The following MYOM1 variants were observed in gnomAD, a reference collection of about 807,000 sequenced individuals.
MYOM1 encodes the protein myomesin-1.
In MYOM1, 164 loss-of-function variants were observed where a neutral mutation model predicts 205.3. That is an observed-to-expected ratio of 0.80 (90% confidence interval 0.70 to 0.91). The LOEUF (loss-of-function observed/expected upper bound fraction) is 0.91, where lower values mean the gene tolerates loss of function less well. Among genes scored for constraint, MYOM1 ranks in the 40% least tolerant of loss-of-function variants. The pLI is 0.00. For synonymous variants in MYOM1, 772 were observed against 789.4 expected (o/e 0.98, Z 0.37); for missense variants, 2,011 against 2,127.3 (o/e 0.95, Z 1.08).
chr18:3,100,136 G>A, intron 25 of MYOM1, 23 bp downstream of exon 25: 1 of 1,613,118 alleles, frequency 6.2e-7, no homozygotes, highest in Non-Finnish European at 8.5e-7. Flanking sequence ...CTAAAAACCT[G>A]TGAATGTATT....
the MYOM1 span, among the ~76,000 whole-genome samples, chr18:3,237,883 C>T: frequency 6.6e-6 from 1 of 152,082 alleles, no homozygotes; most frequent in African/African-American, 2.4e-5. Flanking sequence ...TGATGCATAA[C>T]ACTACAAATA....
chr18:3,233,873 A>C, the MYOM1 span, among the ~76,000 whole-genome samples: 1 of 152,234 alleles, frequency 6.6e-6, no homozygotes, highest in African/African-American at 2.4e-5. Flanking sequence ...AAAAGTCAAC[A>C]TTTCAAGTAA....
intron 5 of MYOM1, among the ~76,000 whole-genome samples, chr18:3,184,350 C>G (rs895954329): frequency 6.6e-6 from 1 of 152,196 alleles, no homozygotes; most frequent in African/African-American, 2.4e-5. Context: ...GACCTTATGT[C>G]CTAACTTATA....
intron 5 of MYOM1, among the ~76,000 whole-genome samples, chr18:3,182,813 A>G (rs1200091083): frequency 6.6e-6 from 1 of 151,386 alleles, no homozygotes; most frequent in East Asian, 1.9e-4. Context: ...TTTTCACTAC[A>G]TATGTATTTT....
At chr18:3,207,265 T>C (rs1385044933) in intron 2 of MYOM1, among the ~76,000 whole-genome samples, 1 of 152,220 alleles carries the variant, frequency 6.6e-6, no homozygotes, top group African/African-American at 2.4e-5. Context: ...CATCCTTCAG[T>C]TGTTATTCAC....
chr18:3,192,368 A>G (rs1297416764), intron 3 of MYOM1, among the ~76,000 whole-genome samples: 2 of 152,222 alleles, frequency 1.3e-5, no homozygotes, highest in Admixed American at 1.3e-4. Flanking sequence ...GATAGCAAAG[A>G]TATCAAATAA....
Position 3,066,956 on chromosome 18 carries a change from G to A in MYOM1, c.*306C>T, listed in dbSNP as rs1045164834. Reference sequence around the variant, plus strand: ...TGCAGCAAATCCCAATTCGCCCCACGACACATTCGTCTGCCCTCTGACCAT... The same window carrying A: ...TGCAGCAAATCCCAATTCGCCCCACAACACATTCGTCTGCCCTCTGACCAT... On this transcript the variant is annotated 3_prime_UTR_variant, in exon 38 of 38. Coordinates refer to ENST00000356443, the MANE Select transcript of MYOM1 (RefSeq NM_003803.4). 7 of 326,624 alleles carry A rather than the reference G, an allele frequency of 2.1e-5. No individual in the cohort carries two copies. Among genetic ancestry groups the A allele is most frequent in the East Asian group, 6.4e-5 (1 of 15,538 alleles). The allele number at this position is 326,624 out of a possible 1,614,324, so 20.2% of individuals were successfully genotyped here. A position where few individuals can be genotyped will look rare whatever the true frequency, so the allele number is the denominator to read the frequency against.
the MYOM1 span, among the ~76,000 whole-genome samples, chr18:3,232,556 G>C: frequency 1.3e-5 from 2 of 152,102 alleles, no homozygotes; most frequent in Admixed American, 6.5e-5. Flanking sequence ...GGTTTCACAA[G>C]TGTATACATG....
chr18:3,151,823 T>C lies in MYOM1; in HGVS notation c.1714A>G (p.Thr572Ala), dbSNP rs370992051. 15 of 1,613,734 alleles carry C rather than the reference T, an allele frequency of 9.3e-6. No individual in the cohort carries two copies. In the African/African-American group the frequency reaches 1.9e-4, roughly 20 times the overall value. ...TAGGAACGACCTTCGATCAATCCAG[T>C]GACAGGAAAACGAGCAAACTTCACA... ...TPVKFARFPVTGLIEGRSYIF... is the reference protein window; with the variant it reads ...TPVKFARFPVAGLIEGRSYIF... The change falls in exon 12 of 38, where the codon ACT (threonine) becomes GCT (alanine). Residue 572 changes from threonine to alanine, a missense_variant. Physicochemically the swap from Thr to Ala is moderately conservative, Grantham distance 58. Coordinates refer to ENST00000356443, the MANE Select transcript of MYOM1 (RefSeq NM_003803.4).
chr18:3,220,123 GC>G (rs2081314744), upstream of MYOM1: 1 of 152,172 alleles, frequency 6.6e-6, no homozygotes. Context: ...AATGGGTCTG[GC>G]CCGATTAAAC....
chr18:3,170,992 G>T (rs1023120363), intron 8 of MYOM1, among the ~76,000 whole-genome samples: 1 of 152,106 alleles, frequency 6.6e-6, no homozygotes, highest in South Asian at 2.1e-4. Context: ...CCAAGTATTG[G>T]TCCAAGCATT....
chr18:3,085,024 C>T (rs1304527012), intron 31 of MYOM1, 21 bp downstream of exon 31: 3 of 1,572,262 alleles, frequency 1.9e-6, no homozygotes, highest in Non-Finnish European at 2.6e-6. Flanking sequence ...CAAGACAGAC[C>T]CCAGCAGTTG....
In MYOM1 at chr18:3,135,595, C is replaced by T. The variant is rs747350384; in HGVS notation, c.2161G>A (p.Gly721Ser). The change falls in exon 15 of 38, where the codon GGT becomes AGT. Residue 721 changes from glycine (G) to serine (S), a missense_variant. Coordinates refer to ENST00000356443, the MANE Select transcript of MYOM1 (RefSeq NM_003803.4). The surrounding 1 kb of genome is among the most constrained non-coding windows in gnomAD (Gnocchi z 4.1). ...RVRCSNSAGV[G>S]EPSEATEVTV... ...ACCTCCGTTGCCTCTGAGGGCTCACCAACTCCTGCAGAATTAGAACAGCGG... is the reference window on the plus strand; with the variant it reads ...ACCTCCGTTGCCTCTGAGGGCTCACTAACTCCTGCAGAATTAGAACAGCGG... 88 of 1,613,680 alleles carry T rather than the reference C, an allele frequency of 5.5e-5. No homozygotes were observed. Among genetic ancestry groups the T allele is most frequent in the Non-Finnish European group, 7.2e-5 (85 of 1,179,868 alleles).
intron 1 of MYOM1, among the ~76,000 whole-genome samples, chr18:3,218,395 G>A (rs376699630): frequency 1.2e-4 from 19 of 152,270 alleles, no homozygotes; most frequent in East Asian, 5.8e-4. Context: ...AAGTCAGCAT[G>A]TATTCCCCAG....
intron 22 of MYOM1, among the ~76,000 whole-genome samples, chr18:3,105,409 A>T (rs2079439809): frequency 6.6e-6 from 1 of 152,206 alleles, no homozygotes; most frequent in South Asian, 2.1e-4. Context: ...TTTTAAAACG[A>T]TTTTCATCAG....
chr18:3,145,948 C>T (rs2080116374), intron 13 of MYOM1, among the ~76,000 whole-genome samples: 1 of 151,956 alleles, frequency 6.6e-6, no homozygotes, highest in African/African-American at 2.4e-5. Flanking sequence ...ACTACAGATT[C>T]TGCAGGTATT....
chr18:3,245,196 T>C, the MYOM1 span, among the ~76,000 whole-genome samples: 16,826 of 152,232 alleles, frequency 0.11, 1,233 homozygotes, highest in East Asian at 0.34. Context: ...AAGAACAGAA[T>C]AGAAATCCTT....
At chr18:3,208,614 T>C (rs1272067330) in intron 2 of MYOM1, among the ~76,000 whole-genome samples, 11 of 152,204 alleles carry the variant, frequency 7.2e-5, no homozygotes, top group Non-Finnish European at 8.8e-5. Context: ...ACTTCTACCG[T>C]TCAGGAAATA....
intron 20 of MYOM1, among the ~76,000 whole-genome samples, chr18:3,118,652 CA>C (rs1040379628): frequency 1.3e-5 from 2 of 151,834 alleles, no homozygotes; most frequent in African/African-American, 2.4e-5. Context: ...CACTTTTGAT[CA>C]AAAAAAATTT....
Sources: gnomAD v4.1 joint callset for allele counts (sites outside exome capture counted in the v4.1 genomes callset) on GRCh38, gnomAD v4.1.1 for gene constraint, Gnocchi (gnomAD v3.1) non-coding constraint, MANE v1.5 for transcripts, NCBI Gene and HGNC (gene_info 2026-07-23, HGNC 2026-07-21) for gene names.